ZNF236: variants seen among roughly 807,000 people sequenced by gnomAD.
ZNF236 encodes the protein regulated by glucose.
ZNF236 carries 50 observed loss-of-function variants against 191.2 expected under a neutral mutation model. The ratio of observed to expected loss-of-function variants is 0.26; its 90% CI spans 0.21 to 0.33. ZNF236 has a LOEUF of 0.33. Among genes scored for constraint, ZNF236 ranks in the 10% least tolerant of loss-of-function variants. ZNF236 has a pLI of 1.00. For synonymous variants in ZNF236, 907 were observed against 928.8 expected (o/e 0.98, Z 0.43); for missense variants, 1,754 against 2,374.5 (o/e 0.74, Z 5.43).
chr18:76,905,061 A>T (rs779996562), intron 12 of ZNF236, 94 bp from the exon 13 acceptor site: 21 of 1,287,904 alleles, frequency 1.6e-5, no homozygotes, highest in Middle Eastern at 5.0e-4. Context: ...AAATGTGATG[A>T]TGAAGTGAAG....
At chr18:76,864,253 G>A (rs924850633) in intron 3 of ZNF236, among the ~76,000 whole-genome samples, 5 of 149,014 alleles carry the variant, frequency 3.4e-5, no homozygotes, top group Non-Finnish European at 7.4e-5. Context: ...AGGCTGGAGT[G>A]CAGTGGCACT....
Position 76,905,146 on chromosome 18 carries a change from T to A in ZNF236, c.2037-9T>A. ...AACATATTCATTAAAATGTGTATTT[T>A]TTTTTAAGATCCCATACAGGTGAAA... On this transcript the variant is annotated splice_polypyrimidine_tract_variant and intron_variant, in intron 12 of 30. Coordinates refer to ENST00000320610, the MANE Select transcript of ZNF236 (RefSeq NM_001306089.2). 1 of 1,597,346 alleles carries A rather than the reference T, an allele frequency of 6.3e-7. No homozygotes were observed. Among genetic ancestry groups the A allele is most frequent in the Non-Finnish European group, 8.5e-7 (1 of 1,171,234 alleles).
chr18:76,864,196 C>CT (rs1202084465), intron 3 of ZNF236, among the ~76,000 whole-genome samples: 7,990 of 132,134 alleles, frequency 0.06, 432 homozygotes, highest in African/African-American at 0.15. Context: ...CAACAAATAT[C>CT]TTTTTTTTTT....
intron 30 of ZNF236, among the ~76,000 whole-genome samples, chr18:76,965,393 G>C (rs1438335990): frequency 6.6e-6 from 1 of 152,108 alleles, no homozygotes; most frequent in African/African-American, 2.4e-5. Context: ...AGGTAAATCA[G>C]GGACTTCTTC....
At chr18:76,868,082 T>A (rs1976465271) in intron 3 of ZNF236, among the ~76,000 whole-genome samples, 1 of 152,180 alleles carries the variant, frequency 6.6e-6, no homozygotes, top group African/African-American at 2.4e-5. Flanking sequence ...CTGTCATTCT[T>A]GTATTTTTGC....
rs886276028 is a variant in ZNF236 at position 76,969,797 on chromosome 18, T to C, written c.*1458T>C. 4 of 151,642 alleles carry C rather than the reference T, an allele frequency of 2.6e-5. No homozygotes were observed. The Admixed American group carries it at 2.6e-4, about 10-fold the overall frequency. The allele number at this position is 151,642 out of a possible 1,614,324, so 9.4% of individuals were successfully genotyped here. A position where few individuals can be genotyped will look rare whatever the true frequency, so the allele number is the denominator to read the frequency against. On this transcript the variant is annotated 3_prime_UTR_variant, in exon 31 of 31. Coordinates refer to ENST00000320610, the MANE Select transcript of ZNF236 (RefSeq NM_001306089.2). ...TTTGAAAGGGCATCTTTTGATTTTTTTGTTGTTGTTGTTCACTTTTGGCAT... is the reference window on the plus strand; with the variant it reads ...TTTGAAAGGGCATCTTTTGATTTTTCTGTTGTTGTTGTTCACTTTTGGCAT...
In ZNF236 at chr18:76,915,989, A is replaced by G. The variant is rs116195070; in HGVS notation, c.3274+130A>G. The G allele has an allele frequency of 2.4e-3, 1,885 of 778,518 alleles. 25 individuals carry two copies. The African/African-American group carries it at 0.027, about 11-fold the overall frequency. 48.2% of individuals were successfully genotyped at this position (778,518 alleles called of 1,614,324 possible). A position where few individuals can be genotyped will look rare whatever the true frequency, so the allele number is the denominator to read the frequency against. On this transcript the variant is annotated intron_variant, in intron 19 of 30. Transcript: ENST00000320610. Reference sequence around the variant, plus strand: ...AGTTCAGTAGCACCCTGAGTTTTTAATAATTTTATTTTCTGATTATGAAAG... The same window carrying G: ...AGTTCAGTAGCACCCTGAGTTTTTAGTAATTTTATTTTCTGATTATGAAAG...
At chr18:76,874,928 C>G (rs945693333) in intron 5 of ZNF236, among the ~76,000 whole-genome samples, 6 of 152,312 alleles carry the variant, frequency 3.9e-5, no homozygotes, top group Admixed American at 1.3e-4. Flanking sequence ...CGATTTTACT[C>G]TAGGGGGGAT....
At chr18:76,909,067 C>T (rs560444060) in intron 14 of ZNF236, among the ~76,000 whole-genome samples, 18 of 151,960 alleles carry the variant, frequency 1.2e-4, no homozygotes, top group African/African-American at 4.3e-4. Flanking sequence ...CCTGTAATCC[C>T]AGCACTTTGG....
intron 26 of ZNF236, among the ~76,000 whole-genome samples, chr18:76,944,599 G>A (rs928472457): frequency 1.3e-5 from 2 of 152,050 alleles, no homozygotes; most frequent in South Asian, 2.1e-4. Context: ...TGGCCAACAC[G>A]GTGAAACCCC....
rs1003744849 is a variant in ZNF236 at position 76,908,557 on chromosome 18, C to G, written c.2535C>G (p.Pro845=). ...AGLGQQLADQ[P]LEADEDGFVA... is the part of the protein sequence containing the mutation. ...TGGGCCAGCAGTTGGCAGATCAGCC[C>G]CTGGAAGCAGATGAAGGTAAATGTT... The change falls in exon 14 of 31, where the codon CCC becomes CCG. Residue 845 remains proline, a synonymous_variant. Coordinates refer to ENST00000320610, the MANE Select transcript of ZNF236 (RefSeq NM_001306089.2). The G allele has an allele frequency of 5.6e-6, 9 of 1,607,650 alleles. No homozygotes were observed. The highest frequency in any genetic ancestry group is 5.0e-5 in the Admixed American group (3 of 59,944).
chr18:76,963,792 T>A lies in ZNF236; in HGVS notation c.5419+2937T>A, dbSNP rs969323304. 1.6e-4 allele frequency among the ~76,000 whole-genome samples: 25 copies of A among 152,332 alleles called. 1 individual carries two copies. The highest frequency in any genetic ancestry group is 5.8e-4 in the African/African-American group (24 of 41,582). ...ATCAGGGTATCTAATTCTTCCTGATTTAAGCTAGGAGGGTTGTATCTTTCC... is the reference window on the plus strand; with the variant it reads ...ATCAGGGTATCTAATTCTTCCTGATATAAGCTAGGAGGGTTGTATCTTTCC... On this transcript the variant is annotated intron_variant, in intron 30 of 30. Coordinates refer to ENST00000320610, the MANE Select transcript of ZNF236 (RefSeq NM_001306089.2).
intron 1 of ZNF236, among the ~76,000 whole-genome samples, chr18:76,832,136 G>A (rs1347928142): frequency 6.6e-6 from 1 of 152,174 alleles, no homozygotes; most frequent in Non-Finnish European, 1.5e-5. Flanking sequence ...CTCAAGTGCA[G>A]TAGTGTGATC....
At chr18:76,932,649 G>GAGCAT (rs1233749485) in intron 25 of ZNF236, among the ~76,000 whole-genome samples, 4 of 152,186 alleles carry the variant, frequency 2.6e-5, no homozygotes, top group African/African-American at 9.7e-5. Context: ...TCACTGAGCA[G>GAGCAT]GAAACTGGCC....
At position 76,910,170 on chromosome 18, in the gene ZNF236, G is replaced by A. The variant is rs964915440; in HGVS notation, c.2653+1G>A. ...TTCGAACCAGCAGGGCTACCCCAAG[G>A]TCAGTGGTGGGTTTTCAATGAAATT... is the stretch of plus-strand genomic sequence containing the variant. On this transcript the variant is annotated splice_donor_variant, in intron 15 of 30. Transcript: ENST00000320610. LOFTEE classifies it high-confidence loss of function. 6.2e-7 allele frequency: 1 copy of A among 1,609,428 alleles called. No homozygotes were observed. The highest frequency in any genetic ancestry group is 8.5e-7 in the Non-Finnish European group (1 of 1,176,470).
At chr18:76,921,737 CTTTTTTTTT>C (rs11380490) in intron 20 of ZNF236, among the ~76,000 whole-genome samples, 8 of 98,050 alleles carry the variant, frequency 8.2e-5, no homozygotes, top group South Asian at 7.9e-4. Context: ...GTGGGATGTT[CTTTTTTTTT>C]TTTTTTTTTT....
At chr18:76,883,362 CTT>C (rs10581368) in intron 9 of ZNF236, among the ~76,000 whole-genome samples, 4,486 of 93,048 alleles carry the variant, frequency 0.048, 117 homozygotes, top group East Asian at 0.075. Flanking sequence ...GGAGCCAGTG[CTT>C]TTTTTTTTTT....
At chr18:76,924,955 T>C (rs1013441485) in intron 21 of ZNF236, among the ~76,000 whole-genome samples, 3 of 152,190 alleles carry the variant, frequency 2.0e-5, no homozygotes, top group Non-Finnish European at 4.4e-5. Context: ...ACTGTAAACC[T>C]CAAAGGCTTG....
intron 30 of ZNF236, among the ~76,000 whole-genome samples, chr18:76,963,626 T>C (rs750291891): frequency 2.0e-5 from 3 of 152,186 alleles, no homozygotes; most frequent in Non-Finnish European, 4.4e-5. Context: ...CTCTGTCTTG[T>C]GGAATAGTGT....
Sources: allele counts gnomAD v4.1 joint callset (sites outside exome capture counted in the v4.1 genomes callset), GRCh38; gene constraint gnomAD v4.1.1; transcripts MANE v1.5; gene names NCBI Gene and HGNC (gene_info 2026-07-23, HGNC 2026-07-21).